Variants in PRUNE2 observed in about 807,000 individuals in gnomAD.
PRUNE2 encodes prune homolog 2 with BCH domain.
Under a neutral mutation model 252.0 loss-of-function variants are expected in PRUNE2, and 164 were observed. The observed-to-expected ratio is 0.65, with a 90% CI of 0.57 to 0.74. The LOEUF (loss-of-function observed/expected upper bound fraction) is 0.74. Among genes scored for constraint, PRUNE2 ranks in the 30% least tolerant of loss-of-function variants. The probability of loss-of-function intolerance (pLI) is 0.00; values close to 1 mark genes in which losing one functional copy is unlikely to be tolerated. For synonymous variants in PRUNE2, 1,292 were observed against 1,350.2 expected, an observed-to-expected ratio of 0.96 and a Z score of 0.94; for missense variants, 3,495 against 3,711.0, an observed-to-expected ratio of 0.94 and a Z score of 1.51.
At chr9:76,862,842 T>C (rs1253216508) in intron 1 of PRUNE2, 1 of 152,230 alleles carries the variant, frequency 6.6e-6, no homozygotes, top group Non-Finnish European at 1.5e-5. Flanking sequence ...TTTTAACTTC[T>C]CTTTTCAAAA....
At chr9:76,804,892 AC>A (rs2056825288) in intron 6 of PRUNE2, among the ~76,000 whole-genome samples, 1 of 152,148 alleles carries the variant, frequency 6.6e-6, no homozygotes, top group Non-Finnish European at 1.5e-5. Context: ...CCAGGATGCC[AC>A]CCTGTTCCTT....
chr9:76,730,049 T>C (rs1366568690), intron 6 of PRUNE2, among the ~76,000 whole-genome samples: 1 of 152,222 alleles, frequency 6.6e-6, no homozygotes, highest in Non-Finnish European at 1.5e-5. Flanking sequence ...ACTACCTTAG[T>C]CCTATTTCAT....
chr9:76,639,665 G>C (rs557206721), intron 12 of PRUNE2, among the ~76,000 whole-genome samples: 190 of 152,288 alleles, frequency 1.2e-3, no homozygotes, highest in Admixed American at 2.4e-3. Flanking sequence ...GAAAACTAAA[G>C]ATGGGTCTGG....
At chr9:76,871,732 G>A (rs112782396) in intron 1 of PRUNE2, among the ~76,000 whole-genome samples, 221 of 152,280 alleles carry the variant, frequency 1.5e-3, no homozygotes, top group African/African-American at 4.9e-3. Context: ...GGTTTCAAGT[G>A]ATTCTCCTGC....
chr9:76,882,785 T>C (rs1406905834), intron 1 of PRUNE2, among the ~76,000 whole-genome samples: 1 of 152,158 alleles, frequency 6.6e-6, no homozygotes, highest in Non-Finnish European at 1.5e-5. Flanking sequence ...CAATGGGGAT[T>C]ACAATTCCAC....
At chr9:76,672,019 A>G (rs939306278) in intron 9 of PRUNE2, among the ~76,000 whole-genome samples, 3 of 150,646 alleles carry the variant, frequency 2.0e-5, no homozygotes, top group Non-Finnish European at 4.5e-5. Flanking sequence ...ACCAGCTAAC[A>G]TCATAATGAC....
chr9:76,745,081 C>T (rs2049984734), intron 6 of PRUNE2, among the ~76,000 whole-genome samples: 1 of 152,066 alleles, frequency 6.6e-6, no homozygotes, highest in Non-Finnish European at 1.5e-5. Context: ...GAGTAGGCAC[C>T]CAATGAAACC....
chr9:76,661,396 C>A (rs901481116), intron 9 of PRUNE2, among the ~76,000 whole-genome samples: 2 of 152,150 alleles, frequency 1.3e-5, no homozygotes, highest in Admixed American at 6.5e-5. Flanking sequence ...GCACCTGCCA[C>A]CATGCCCAGC....
intron 4 of PRUNE2, 27 bp from the exon 5 acceptor site, chr9:76,826,759 T>G (rs2058367802): frequency 6.4e-7 from 1 of 1,550,758 alleles, no homozygotes; most frequent in African/African-American, 1.4e-5. Flanking sequence ...AAAATGCTCT[T>G]AAAGCTTTCC....
chr9:76,886,055 A>T (rs1049668908), intron 1 of PRUNE2, among the ~76,000 whole-genome samples: 3 of 151,958 alleles, frequency 2.0e-5, no homozygotes, highest in African/African-American at 7.2e-5. Context: ...GCATGGTGGC[A>T]CACACCTGTA....
intron 1 of PRUNE2, among the ~76,000 whole-genome samples, chr9:76,881,086 G>A (rs1264151251): frequency 6.6e-6 from 1 of 151,152 alleles, no homozygotes; most frequent in African/African-American, 2.4e-5. Flanking sequence ...TTCTTCTTCA[G>A]CCTCCCAAGT....
In PRUNE2 at chr9:76,612,408, T is replaced by C. The variant is rs1827718841; in HGVS notation, c.*2162A>G. ...TTGCACCACTACACTGAACACTGGA[T>C]TTTTCATTACTTCCTGTGACAGGGT... On this transcript the variant is annotated 3_prime_UTR_variant, in exon 19 of 19. Coordinates refer to ENST00000376718, the MANE Select transcript of PRUNE2 (RefSeq NM_015225.3). 1 of 152,288 alleles carries C rather than the reference T, an allele frequency of 6.6e-6. No homozygotes were observed. Among genetic ancestry groups the C allele is most frequent in the South Asian group, 2.1e-4 (1 of 4,830 alleles). The allele number at this position is 152,288 out of a possible 1,614,324, so 9.4% of individuals were successfully genotyped here.
intron 1 of PRUNE2, among the ~76,000 whole-genome samples, chr9:76,881,794 T>C (rs1200239305): frequency 6.6e-6 from 1 of 152,172 alleles, no homozygotes; most frequent in South Asian, 2.1e-4. Context: ...GCTATTTTTT[T>C]GTATTTTTAG....
rs931076876 is a variant in PRUNE2 at position 76,707,252 on chromosome 9, C to T, written c.5022G>A (p.Gln1674=). The part of the protein sequence containing the change: ...KNEHDISATV[Q]PEDARVISTS... The stretch of plus-strand genomic sequence containing the variant: ...TTGAAATGACCCTGGCATCCTCTGG[C>T]TGCACAGTTGCAGAAATGTCATGTT... Residue 1674 remains glutamine (Q), a synonymous_variant, in exon 8 of 19, where the codon CAG becomes CAA. Coordinates refer to ENST00000376718, the MANE Select transcript of PRUNE2 (RefSeq NM_015225.3). 6 of 1,613,986 alleles carry T rather than the reference C, an allele frequency of 3.7e-6. No homozygotes were observed. In the East Asian group the frequency reaches 1.3e-4, roughly 36 times the overall value.
At chr9:76,873,595 A>G (rs536883743) in intron 1 of PRUNE2, among the ~76,000 whole-genome samples, 1 of 152,298 alleles carries the variant, frequency 6.6e-6, no homozygotes, top group African/African-American at 2.4e-5. Flanking sequence ...CGGGCTCCCA[A>G]CAGCGCGTCT....
intron 6 of PRUNE2, chr9:76,737,329 A>C (rs986009610): frequency 6.6e-6 from 1 of 152,226 alleles, no homozygotes; most frequent in African/African-American, 2.4e-5. Flanking sequence ...AACCAAGCTC[A>C]ATATTGAATC....
At chr9:76,803,235 C>T (rs1256273514) in intron 6 of PRUNE2, among the ~76,000 whole-genome samples, 1 of 152,174 alleles carries the variant, frequency 6.6e-6, no homozygotes, top group Non-Finnish European at 1.5e-5. Context: ...TGATACATTG[C>T]CTTGGTGCTT....
intron 6 of PRUNE2, among the ~76,000 whole-genome samples, chr9:76,723,876 C>T (rs1212310341): frequency 6.7e-6 from 1 of 148,358 alleles, no homozygotes; most frequent in Non-Finnish European, 1.5e-5. Flanking sequence ...GGTGCGATCT[C>T]GGCTCACTGC....
intron 6 of PRUNE2, among the ~76,000 whole-genome samples, chr9:76,723,373 A>G (rs1399986804): frequency 6.6e-6 from 1 of 152,210 alleles, no homozygotes; most frequent in Non-Finnish European, 1.5e-5. Flanking sequence ...ACCATTCAGT[A>G]TGTACAAATC....
Sources: allele counts gnomAD v4.1 joint callset (sites outside exome capture counted in the v4.1 genomes callset), GRCh38; gene constraint gnomAD v4.1.1; transcripts MANE v1.5; gene names NCBI Gene and HGNC (gene_info 2026-07-23, HGNC 2026-07-21).